ACVR1C: variants seen among roughly 807,000 people sequenced by gnomAD.
ACVR1C encodes activin receptor type-1C.
In ACVR1C, 23 loss-of-function variants were observed where a neutral mutation model predicts 57.9. The observed-to-expected ratio is 0.40, with a 90% CI of 0.29 to 0.56. The LOEUF (loss-of-function observed/expected upper bound fraction) is 0.56. Among genes scored for constraint, ACVR1C ranks in the 20% least tolerant of loss-of-function variants. The pLI, the probability that ACVR1C is intolerant of heterozygous loss-of-function variation, is 0.50. For missense variants in ACVR1C, 480 were observed against 607.9 expected (o/e 0.79, Z 2.21); for synonymous variants, 214 against 215.3 (o/e 0.99, Z 0.05).
chr2:157,607,459 T>A (rs149479187), intron 1 of ACVR1C, among the ~76,000 whole-genome samples: 232 of 151,840 alleles, frequency 1.5e-3, no homozygotes, highest in African/African-American at 5.2e-3. Flanking sequence ...GGGCTCTTTT[T>A]TGATTCCATA....
chr2:157,585,471 C>T (rs1688896796), intron 2 of ACVR1C, among the ~76,000 whole-genome samples: 1 of 152,162 alleles, frequency 6.6e-6, no homozygotes, highest in Admixed American at 6.6e-5. Context: ...GAAGGACCTA[C>T]ATTCTAGCTG....
chr2:157,628,488 C>A (rs922705585), intron 1 of ACVR1C, 84 bp downstream of exon 1: 3 of 1,467,664 alleles, frequency 2.0e-6, no homozygotes, highest in Admixed American at 1.9e-5. Context: ...CGGAGCACCC[C>A]CTGTCCCCCA....
At chr2:157,619,061 C>T (rs1273776022) in intron 1 of ACVR1C, among the ~76,000 whole-genome samples, 1 of 151,786 alleles carries the variant, frequency 6.6e-6, no homozygotes, top group Non-Finnish European at 1.5e-5. Flanking sequence ...CTAAATGACA[C>T]TTACAGAACA....
rs149589060 is a variant in ACVR1C, at chr2:157,532,937, T to C, written c.*981A>G. 7.3e-4 allele frequency: 111 copies of C among 152,324 alleles called. No homozygotes were observed. The highest frequency in any genetic ancestry group is 2.0e-3 in the Admixed American group (30 of 15,296). 9.4% of individuals were successfully genotyped at this position (152,324 alleles called of 1,614,324 possible). A position where few individuals can be genotyped will look rare whatever the true frequency, so the allele number is the denominator to read the frequency against. On this transcript the variant is annotated 3_prime_UTR_variant, in exon 9 of 9. Transcript: ENST00000243349. ...CAGACAATGAATATTTATGTTTGAT[T>C]AATCTTTGGAAGTGTTCAGAAAACA...
At position 157,538,605 on chromosome 2, in the gene ACVR1C, G is replaced by A; in HGVS notation, c.1324C>T (p.Pro442Ser). ...RKVVCDQKFRPSIPNQWQSCE... is the reference protein window; with the variant it reads ...RKVVCDQKFRSSIPNQWQSCE... ...CTTTGCCACTGGTTTGGGATACTTG[G>A]TCGAAACTTCTGGTCACAAACAACC... Residue 442 changes from proline to serine, a missense_variant, in exon 8 of 9, where the codon CCA (proline) becomes TCA (serine). Coordinates refer to ENST00000243349, the MANE Select transcript of ACVR1C (RefSeq NM_145259.3). The A allele has an allele frequency of 6.3e-7, 1 of 1,579,200 alleles. No homozygotes were observed.
In ACVR1C at chr2:157,550,327, CT is replaced by C; in HGVS notation, c.609del (p.Gly204ValfsTer18). 6.2e-7 allele frequency: 1 copy of C among 1,614,164 alleles called. No individual in the cohort carries two copies. Among genetic ancestry groups the C allele is most frequent in the Middle Eastern group, 1.6e-4 (1 of 6,062 alleles). ...CCATGCCACACCTCACCAAATCTAC[CT>C]TTTCCTACTATTTCCTGAAGCACAA... is the stretch of plus-strand genomic sequence containing the variant. ...RTIVLQEIVG[K>X]GRFGEVWHGR... On this transcript the variant is annotated frameshift_variant, in exon 4 of 9. Transcript: ENST00000243349. LOFTEE classifies it high-confidence loss of function.
At chr2:157,535,882 C>T (rs1199115917) in intron 8 of ACVR1C, among the ~76,000 whole-genome samples, 1 of 152,212 alleles carries the variant, frequency 6.6e-6, no homozygotes, top group Non-Finnish European at 1.5e-5. Flanking sequence ...ACGTTGTTCA[C>T]TTCTCTGCCC....
At chr2:157,536,514 G>A (rs1003835406) in intron 8 of ACVR1C, among the ~76,000 whole-genome samples, 1 of 152,112 alleles carries the variant, frequency 6.6e-6, no homozygotes, top group Admixed American at 6.6e-5. Context: ...ACTTCAAGGT[G>A]TTTAGAGAAA....
chr2:157,552,291 C>T (rs1470683928), intron 3 of ACVR1C, among the ~76,000 whole-genome samples: 1 of 152,142 alleles, frequency 6.6e-6, no homozygotes, highest in Non-Finnish European at 1.5e-5. Flanking sequence ...CACCACCATA[C>T]CCAGCTAATT....
chr2:157,554,360 A>G (rs1361459279), intron 3 of ACVR1C, among the ~76,000 whole-genome samples: 1 of 145,360 alleles, frequency 6.9e-6, no homozygotes, highest in African/African-American at 2.8e-5. Context: ...AAAGAGAAAG[A>G]AAGAAAGAAG....
chr2:157,538,977 T>C (rs1289106932), intron 7 of ACVR1C, among the ~76,000 whole-genome samples: 1 of 148,598 alleles, frequency 6.7e-6, no homozygotes, highest in Non-Finnish European at 1.5e-5. Context: ...AACACATAAT[T>C]TTATAATTAT....
chr2:157,603,834 T>C (rs1169523136), intron 1 of ACVR1C, among the ~76,000 whole-genome samples: 1 of 152,142 alleles, frequency 6.6e-6, no homozygotes, highest in Admixed American at 6.5e-5. Context: ...TTCAAAGAAG[T>C]TATAAAACAT....
chr2:157,624,474 T>C (rs1195887345), intron 1 of ACVR1C, among the ~76,000 whole-genome samples: 1 of 152,204 alleles, frequency 6.6e-6, no homozygotes, highest in Non-Finnish European at 1.5e-5. Flanking sequence ...CAAAATCACA[T>C]CTGAAAATAA....
In ACVR1C at chr2:157,527,516, G is replaced by T. The variant is rs1452613860; in HGVS notation, c.*6402C>A. On this transcript the variant is annotated 3_prime_UTR_variant, in exon 9 of 9. Coordinates refer to ENST00000243349, the MANE Select transcript of ACVR1C (RefSeq NM_145259.3). ...AAAGTATAATTAGTATTAGTACTTT[G>T]AAAGTCAATCCAAAATTCCTTTTTT... is the stretch of plus-strand genomic sequence containing the variant. 1 of 152,130 alleles carries T rather than the reference G, an allele frequency of 6.6e-6. No homozygotes were observed. Among genetic ancestry groups the T allele is most frequent in the African/African-American group, 2.4e-5 (1 of 41,444 alleles). 9.4% of individuals were successfully genotyped at this position (152,130 alleles called of 1,614,324 possible). A position where few individuals can be genotyped will look rare whatever the true frequency, so the allele number is the denominator to read the frequency against.
At chr2:157,535,296 C>T (rs1221309982) in intron 8 of ACVR1C, among the ~76,000 whole-genome samples, 2 of 152,022 alleles carry the variant, frequency 1.3e-5, no homozygotes, top group African/African-American at 2.4e-5. Context: ...TGCCTTTAAA[C>T]ATTGCAGTAA....
chr2:157,554,201 G>GAGGAA (rs1553481315), intron 3 of ACVR1C, among the ~76,000 whole-genome samples: 2 of 41,440 alleles, frequency 4.8e-5, no homozygotes, highest in Admixed American at 7.0e-4. Context: ...ATAAAGAAGA[G>GAGGAA]AGAAAGAAAG....
chr2:157,586,259 T>C (rs1688919303), intron 2 of ACVR1C, among the ~76,000 whole-genome samples: 2 of 152,094 alleles, frequency 1.3e-5, no homozygotes, highest in Admixed American at 6.6e-5. Context: ...TTTTATAAAA[T>C]AAATGTTTTT....
intron 3 of ACVR1C, among the ~76,000 whole-genome samples, chr2:157,552,529 C>G (rs573598585): frequency 2.6e-5 from 4 of 152,322 alleles, no homozygotes; most frequent in Admixed American, 2.6e-4. Context: ...CTCAGTCTCT[C>G]CCTTCCTCCT....
At chr2:157,536,319 A>G (rs1051370204) in intron 8 of ACVR1C, among the ~76,000 whole-genome samples, 3 of 152,208 alleles carry the variant, frequency 2.0e-5, no homozygotes, top group African/African-American at 7.2e-5. Flanking sequence ...TAGTCCAAAT[A>G]TTCCAAGCAA....
Sources: allele counts gnomAD v4.1 joint callset (sites outside exome capture counted in the v4.1 genomes callset), GRCh38; gene constraint gnomAD v4.1.1; transcripts MANE v1.5; gene names NCBI Gene and HGNC (gene_info 2026-07-23, HGNC 2026-07-21).